The following ARHGAP6 variants were observed in gnomAD, a reference collection of about 807,000 sequenced individuals.
ARHGAP6 encodes rho GTPase-activating protein 6.
ARHGAP6 carries 16 observed loss-of-function variants against 55.7 expected under a neutral mutation model. The observed-to-expected ratio is 0.29, with a 90% CI of 0.19 to 0.44. The LOEUF (loss-of-function observed/expected upper bound fraction) is 0.44. Among genes scored for constraint, ARHGAP6 ranks in the 20% least tolerant of loss-of-function variants. The pLI is 1.00. For missense variants in ARHGAP6, 698 were observed against 808.9 expected (o/e 0.86, Z 1.66); for synonymous variants, 382 against 360.9 (o/e 1.06, Z -0.66).
intron 1 of ARHGAP6, among the ~76,000 whole-genome samples, chrX:11,439,099 A>C (rs1373834338): frequency 8.9e-6 from 1 of 112,591 alleles, no homozygotes; most frequent in Admixed American, 9.4e-5. Context: ...AGAAAAACCT[A>C]GGAAAACACC....
chrX:11,298,555 C>T, intron 1 of ARHGAP6: 2 of 1,211,392 alleles, frequency 1.7e-6, no homozygotes, highest in Non-Finnish European at 2.2e-6. Context: ...CAGTACCCTT[C>T]CTATGGTTAC....
chrX:11,162,443 T>C (rs927288166), intron 9 of ARHGAP6, among the ~76,000 whole-genome samples: 2 of 108,503 alleles, frequency 1.8e-5, no homozygotes, highest in Admixed American at 1.0e-4. Context: ...TGATGTCTCA[T>C]TTTCCTCCTC....
chrX:11,522,412 A>G (rs2050939596), intron 1 of ARHGAP6, among the ~76,000 whole-genome samples: 1 of 111,733 alleles, frequency 8.9e-6, no homozygotes, highest in Admixed American at 9.6e-5. Context: ...AGATAGAGAC[A>G]CAAAAAACCC....
intron 1 of ARHGAP6, among the ~76,000 whole-genome samples, chrX:11,410,388 A>G (rs948979094): frequency 1.4e-4 from 16 of 112,755 alleles, no homozygotes; most frequent in African/African-American, 5.2e-4. Context: ...CACGTATTGT[A>G]TGATTCCATT....
chrX:11,624,049 T>C (rs768743035), intron 1 of ARHGAP6, among the ~76,000 whole-genome samples: 1 of 111,079 alleles, frequency 9.0e-6, no homozygotes, highest in Non-Finnish European at 1.9e-5. Context: ...TGGAACAAAA[T>C]AGAGAGCCCT....
chrX:11,296,989 C>G (rs2048096710), intron 1 of ARHGAP6, among the ~76,000 whole-genome samples: 1 of 111,535 alleles, frequency 9.0e-6, no homozygotes, highest in East Asian at 2.8e-4. Flanking sequence ...TGGTTGGCCT[C>G]AAGCCTGTGT....
At chrX:11,411,919 A>G (rs1833120529) in intron 1 of ARHGAP6, among the ~76,000 whole-genome samples, 1 of 111,390 alleles carries the variant, frequency 9.0e-6, no homozygotes, top group Non-Finnish European at 1.9e-5. Flanking sequence ...TGTCACTTCA[A>G]TAACATCCCT....
At chrX:11,626,503 T>C (rs2052299979) in intron 1 of ARHGAP6, among the ~76,000 whole-genome samples, 1 of 112,101 alleles carries the variant, frequency 8.9e-6, no homozygotes, top group African/African-American at 3.2e-5. Context: ...TGAACACAGA[T>C]GTTAAAGTCT....
chrX:11,362,519 G>A (rs994566356), intron 1 of ARHGAP6, among the ~76,000 whole-genome samples: 3 of 109,781 alleles, frequency 2.7e-5, no homozygotes, highest in African/African-American at 6.7e-5. Context: ...GTGGCGGAAG[G>A]GGGGAGGGTT....
chrX:11,257,000 CTTTCT>C (rs1416991866), intron 1 of ARHGAP6, among the ~76,000 whole-genome samples: 1 of 111,178 alleles, frequency 9.0e-6, no homozygotes, highest in Non-Finnish European at 1.9e-5. Flanking sequence ...TGAATTTTTT[CTTTCT>C]TTTATGTTTT....
intron 1 of ARHGAP6, among the ~76,000 whole-genome samples, chrX:11,591,371 A>ATTTTAATTATTTAATTAAATAATT (rs2051832523): frequency 1.8e-5 from 2 of 108,618 alleles, no homozygotes; most frequent in Non-Finnish European, 3.8e-5. Context: ...ACTTTTATTA[A>ATTTTAATTATTTAATTAAATAATT]TTTTAATTAT....
intron 1 of ARHGAP6, among the ~76,000 whole-genome samples, chrX:11,571,336 T>A (rs1159826771): frequency 9.0e-6 from 1 of 111,242 alleles, no homozygotes; most frequent in South Asian, 3.8e-4. Context: ...GGGGTTTAAA[T>A]CCTTGCTTCA....
At chrX:11,406,480 A>G (rs747242738) in intron 1 of ARHGAP6, among the ~76,000 whole-genome samples, 2 of 111,496 alleles carry the variant, frequency 1.8e-5, no homozygotes, top group Admixed American at 9.5e-5. Context: ...CTATACACAC[A>G]CACACCCCAC....
At chrX:11,541,976 G>T (rs2051162316) in intron 1 of ARHGAP6, among the ~76,000 whole-genome samples, 1 of 111,419 alleles carries the variant, frequency 9.0e-6, no homozygotes, top group Non-Finnish European at 1.9e-5. Context: ...TTTTGTGAAT[G>T]ATTTCTATCT....
chrX:11,615,737 A>G (rs2052155640), intron 1 of ARHGAP6, among the ~76,000 whole-genome samples: 1 of 112,617 alleles, frequency 8.9e-6, no homozygotes. Context: ...AGTGCTGAAC[A>G]TAAACAAATA....
chrX:11,160,246 G>A (rs1030547932), intron 9 of ARHGAP6, among the ~76,000 whole-genome samples: 33 of 107,152 alleles, frequency 3.1e-4, no homozygotes, highest in Admixed American at 9.0e-4. Context: ...TCAGGAGATC[G>A]AGACCATCCT....
intron 1 of ARHGAP6, among the ~76,000 whole-genome samples, chrX:11,326,780 T>C (rs764427805): frequency 1.8e-5 from 2 of 112,420 alleles, no homozygotes; most frequent in Non-Finnish European, 3.8e-5. Flanking sequence ...CACAGTAATA[T>C]GATTGCTTAC....
rs183521298 is a variant in ARHGAP6, at chrX:11,659,678, C to T, written c.588+4563G>A. On this transcript the variant is annotated intron_variant, in intron 1 of 12. Transcript: ENST00000337414. ...GAGCCCAATGTAATCACAAGAGTCCCGAAAAGAGCGAGAGAGAGAAATGAC... is the reference window on the plus strand; with the variant it reads ...GAGCCCAATGTAATCACAAGAGTCCTGAAAAGAGCGAGAGAGAGAAATGAC... Among the ~76,000 whole-genome samples the T allele has an allele frequency of 5.4e-5, 6 of 111,223 alleles. No homozygotes were observed. The East Asian group carries it at 1.4e-3, about 26-fold the overall frequency.
At chrX:11,356,834 T>G (rs1242826388) in intron 1 of ARHGAP6, among the ~76,000 whole-genome samples, 2 of 112,152 alleles carry the variant, frequency 1.8e-5, no homozygotes. Context: ...CATCCATTTA[T>G]GTATTAAATT....
Sources: gnomAD v4.1 joint callset for allele counts (sites outside exome capture counted in the v4.1 genomes callset) on GRCh38, gnomAD v4.1.1 for gene constraint, MANE v1.5 for transcripts, NCBI Gene and HGNC (gene_info 2026-07-23, HGNC 2026-07-21) for gene names.